The following PGRMC2 variants were observed in gnomAD, a reference collection of about 807,000 sequenced individuals.
PGRMC2 encodes the protein membrane-associated progesterone receptor component 2.
PGRMC2 carries 9 observed loss-of-function variants against 19.3 expected under a neutral mutation model. The ratio of observed to expected loss-of-function variants is 0.47; its 90% CI spans 0.28 to 0.81. The LOEUF is 0.81. Ranked by LOEUF, PGRMC2 falls within the 40% of genes least tolerant of loss-of-function variation. PGRMC2 has a pLI of 0.11. For missense variants in PGRMC2, 289 were observed against 297.3 expected, an observed-to-expected ratio of 0.97 and a Z score of 0.21; for synonymous variants, 157 against 124.6, an observed-to-expected ratio of 1.26 and a Z score of -1.73.
At chr4:128,286,644 CA>C (rs1760987306) in intron 1 of PGRMC2, 6 of 398,358 alleles carry the variant, frequency 1.5e-5, no homozygotes, top group African/African-American at 2.1e-5. Flanking sequence ...GCTCCACCCC[CA>C]AAACTCAAGG....
rs868308782 is a variant in PGRMC2 at position 128,287,654 on chromosome 4, G to A, written c.137C>T (p.Ala46Val). 2 of 1,533,756 alleles carry A rather than the reference G, an allele frequency of 1.3e-6. No individual in the cohort carries two copies. The highest frequency in any genetic ancestry group is 1.4e-5 in the African/African-American group (1 of 72,128). The change falls in exon 1 of 3, where the codon GCG becomes GTG. Residue 46 changes from alanine to valine, a missense_variant. Ala to Val is a moderately conservative substitution (Grantham distance 64, BLOSUM62 0). Transcript: ENST00000296425. Reference protein sequence around the residue: ...EGGGWAAAALALLTGGGEMLL... With the variant: ...EGGGWAAAALVLLTGGGEMLL... ...CATTTCCCCGCCCCCCGTCAGAAGCGCCAACGCCGCCGCCGCCCAGCCTCC... is the reference window on the plus strand; with the variant it reads ...CATTTCCCCGCCCCCCGTCAGAAGCACCAACGCCGCCGCCGCCCAGCCTCC...
At chr4:128,285,155 T>C (rs1760964898) in intron 1 of PGRMC2, among the ~76,000 whole-genome samples, 1 of 152,094 alleles carries the variant, frequency 6.6e-6, no homozygotes, top group South Asian at 2.1e-4. Context: ...ATACCGAGTC[T>C]CTCTCTGTCG....
intron 1 of PGRMC2, among the ~76,000 whole-genome samples, chr4:128,281,577 G>A (rs1442173291): frequency 6.6e-6 from 1 of 151,962 alleles, no homozygotes; most frequent in Non-Finnish European, 1.5e-5. Context: ...AAAATAAGAT[G>A]ATAGAAATAA....
intron 1 of PGRMC2, among the ~76,000 whole-genome samples, chr4:128,279,585 A>G (rs1171238658): frequency 6.6e-6 from 1 of 152,260 alleles, no homozygotes; most frequent in Non-Finnish European, 1.5e-5. Context: ...AATGACATGT[A>G]CATATTTATT....
At chr4:128,271,846 G>A (rs371639758) in intron 2 of PGRMC2, among the ~76,000 whole-genome samples, 274 of 152,280 alleles carry the variant, frequency 1.8e-3, no homozygotes, top group African/African-American at 6.1e-3. Flanking sequence ...TAAGAAAGGG[G>A]AAAGATATTT....
chr4:128,279,204 G>A (rs1760866803), intron 1 of PGRMC2, among the ~76,000 whole-genome samples: 1 of 149,120 alleles, frequency 6.7e-6, no homozygotes, highest in Admixed American at 6.7e-5. Flanking sequence ...GTGAAACTCT[G>A]TCTCAAAAAA....
intron 1 of PGRMC2, among the ~76,000 whole-genome samples, chr4:128,283,133 G>A (rs1760933664): frequency 6.6e-6 from 1 of 152,188 alleles, no homozygotes. Context: ...TTCCATTGCA[G>A]TAATATTAAA....
At chr4:128,279,076 C>T (rs890444801) in intron 1 of PGRMC2, among the ~76,000 whole-genome samples, 18 of 152,002 alleles carry the variant, frequency 1.2e-4, no homozygotes, top group Admixed American at 3.3e-4. Context: ...GGTGTCGTGG[C>T]GCATGCCTGC....
At chr4:128,276,820 C>G (rs1185840400) in intron 1 of PGRMC2, among the ~76,000 whole-genome samples, 1 of 152,148 alleles carries the variant, frequency 6.6e-6, no homozygotes, top group African/African-American at 2.4e-5. Context: ...CAGCATTATT[C>G]AGTCAAAGCA....
chr4:128,278,240 T>C (rs1173025278), intron 1 of PGRMC2, among the ~76,000 whole-genome samples: 10 of 152,164 alleles, frequency 6.6e-5, no homozygotes, highest in Admixed American at 6.5e-4. Context: ...AAGATAATAC[T>C]TCAAGTATTA....
chr4:128,278,006 T>C (rs143959687), intron 1 of PGRMC2, among the ~76,000 whole-genome samples: 1 of 152,326 alleles, frequency 6.6e-6, no homozygotes, highest in African/African-American at 2.4e-5. Flanking sequence ...TTCTGAAATT[T>C]GAGCTACTGT....
intron 1 of PGRMC2, among the ~76,000 whole-genome samples, chr4:128,273,282 T>C (rs1357617851): frequency 6.6e-6 from 1 of 152,148 alleles, no homozygotes; most frequent in Admixed American, 6.5e-5. Flanking sequence ...AAGCAATAAT[T>C]AGCATTTTAT....
At chr4:128,276,277 C>G (rs1760810951) in intron 1 of PGRMC2, among the ~76,000 whole-genome samples, 1 of 152,108 alleles carries the variant, frequency 6.6e-6, no homozygotes, top group South Asian at 2.1e-4. Context: ...TAGGGAGCTC[C>G]CCAAATAAAG....
chr4:128,286,892 A>AG (rs1561619229), intron 1 of PGRMC2: 3 of 385,764 alleles, frequency 7.8e-6, no homozygotes, highest in African/African-American at 6.2e-5. Context: ...AAAAAAAAAA[A>AG]AGGGGGCAAG....
At chr4:128,274,984 A>G (rs3755896) in intron 1 of PGRMC2, among the ~76,000 whole-genome samples, 102,646 of 151,970 alleles carry the variant, frequency 0.68, 34,944 homozygotes, top group Middle Eastern at 0.74. Flanking sequence ...GACAGAACTG[A>G]GAGTACTATT....
At chr4:128,272,572 C>G in intron 1 of PGRMC2, 55 bp from the exon 2 acceptor site, 1 of 375,586 alleles carries the variant, frequency 2.7e-6, no homozygotes, top group Non-Finnish European at 4.2e-6. Flanking sequence ...TAGAATGTCT[C>G]AAAGGAAAAA....
intron 1 of PGRMC2, among the ~76,000 whole-genome samples, chr4:128,273,484 T>C (rs1204163623): frequency 6.6e-6 from 1 of 152,134 alleles, no homozygotes; most frequent in Non-Finnish European, 1.5e-5. Context: ...TTAGCTGTAG[T>C]TCCGAATAAA....
At chr4:128,273,382 G>A (rs966421561) in intron 1 of PGRMC2, among the ~76,000 whole-genome samples, 2 of 152,148 alleles carry the variant, frequency 1.3e-5, no homozygotes, top group Admixed American at 6.5e-5. Flanking sequence ...CTTGAGAACA[G>A]CAATTTGTTC....
At chr4:128,280,944 T>C (rs74193273) in intron 1 of PGRMC2, among the ~76,000 whole-genome samples, 1,548 of 151,914 alleles carry the variant, frequency 0.01, 35 homozygotes, top group East Asian at 0.085. Flanking sequence ...TATTCCTGAG[T>C]GAGGAAAAAT....
Sources: allele counts gnomAD v4.1 joint callset (sites outside exome capture counted in the v4.1 genomes callset), GRCh38; gene constraint gnomAD v4.1.1; transcripts MANE v1.5; gene names NCBI Gene and HGNC (gene_info 2026-07-23, HGNC 2026-07-21).